The following ZNF112 variants were observed in gnomAD, a reference collection of about 807,000 sequenced individuals.
ZNF112 encodes the protein zinc finger protein 112.
In ZNF112, 37 loss-of-function variants were observed where a neutral mutation model predicts 77.7. That is an observed-to-expected ratio of 0.48 (90% CI 0.37 to 0.63). The LOEUF is 0.63. Ranked by LOEUF, ZNF112 falls within the 20% of genes least tolerant of loss-of-function variation. The pLI is 0.00. For missense variants in ZNF112, 950 were observed against 1,077.4 expected (o/e 0.88, Z 1.66); for synonymous variants, 333 against 363.6 (o/e 0.92, Z 0.96).
At chr19:44,342,470 A>G (rs1970507834) in intron 1 of ZNF112, among the ~76,000 whole-genome samples, 1 of 152,188 alleles carries the variant, frequency 6.6e-6, no homozygotes, top group African/African-American at 2.4e-5. Flanking sequence ...TGATACTGCA[A>G]TGTAAAACTG....
intron 1 of ZNF112, among the ~76,000 whole-genome samples, chr19:44,346,329 T>C (rs1230845392): frequency 1.3e-5 from 2 of 152,244 alleles, no homozygotes; most frequent in Admixed American, 1.3e-4. Context: ...TGTTATGTTA[T>C]GTGAGTTCAA....
chr19:44,340,305 G>T (rs1448419965), intron 2 of ZNF112, 111 bp downstream of exon 2: 20 of 1,440,328 alleles, frequency 1.4e-5, no homozygotes, highest in Middle Eastern at 2.5e-4. Flanking sequence ...TAGGACTCTC[G>T]GGCACCTAAT....
At chr19:44,350,438 A>C (rs1050529977) in intron 1 of ZNF112, among the ~76,000 whole-genome samples, 5 of 152,008 alleles carry the variant, frequency 3.3e-5, no homozygotes, top group Non-Finnish European at 7.4e-5. Flanking sequence ...TCTGAATAAG[A>C]ACTTCCCTCA....
At chr19:44,337,649 A>C (rs1211721561) in intron 2 of ZNF112, among the ~76,000 whole-genome samples, 1 of 150,482 alleles carries the variant, frequency 6.6e-6, no homozygotes, top group African/African-American at 2.4e-5. Flanking sequence ...TCAACGCATG[A>C]ATGTTCTTCA....
At chr19:44,329,997 G>A in intron 3 of ZNF112, 61 bp from the exon 4 acceptor site, 1 of 1,318,782 alleles carries the variant, frequency 7.6e-7, no homozygotes, top group Non-Finnish European at 1.0e-6. Flanking sequence ...GAGATTTGAA[G>A]ATTTTACACT....
At chr19:44,334,745 C>T (rs761389363) in intron 3 of ZNF112, among the ~76,000 whole-genome samples, 33 of 152,400 alleles carry the variant, frequency 2.2e-4, no homozygotes, top group Admixed American at 3.3e-4. Context: ...GCAGCTTCCA[C>T]GTACTGTTGG....
chr19:44,358,109 A>G (rs972509699), upstream of ZNF112, among the ~76,000 whole-genome samples: 3 of 144,072 alleles, frequency 2.1e-5, no homozygotes, highest in Non-Finnish European at 4.5e-5. Context: ...CCGAGATCGC[A>G]CCACTGCACT....
At chr19:44,339,606 C>G (rs1397271359) in intron 2 of ZNF112, among the ~76,000 whole-genome samples, 2 of 152,210 alleles carry the variant, frequency 1.3e-5, no homozygotes, top group African/African-American at 4.8e-5. Flanking sequence ...TGGAACGCTC[C>G]TGGACTCTGC....
chr19:44,345,869 G>T (rs1388124627), intron 1 of ZNF112, among the ~76,000 whole-genome samples: 1 of 152,198 alleles, frequency 6.6e-6, no homozygotes, highest in South Asian at 2.1e-4. Context: ...TTAGAGCAGG[G>T]GTTGGAAAGC....
upstream of ZNF112, among the ~76,000 whole-genome samples, chr19:44,360,180 T>C (rs186003889): frequency 4.1e-3 from 618 of 149,696 alleles, 2 homozygotes; most frequent in African/African-American, 0.014. Context: ...CGCTTGAACC[T>C]GGGAGATGGA....
At chr19:44,335,860 G>A (rs184049956) in intron 3 of ZNF112, among the ~76,000 whole-genome samples, 198 of 152,260 alleles carry the variant, frequency 1.3e-3, no homozygotes, top group Non-Finnish European at 2.0e-3. Context: ...CAGTTGCGAC[G>A]GTGGCTTTTG....
At chr19:44,331,110 C>T (rs1242323354) in intron 3 of ZNF112, among the ~76,000 whole-genome samples, 1 of 152,190 alleles carries the variant, frequency 6.6e-6, no homozygotes, top group Non-Finnish European at 1.5e-5. Flanking sequence ...GAATAATAAG[C>T]TCTTCTAAGT....
At chr19:44,338,494 T>C (rs1053674651) in intron 2 of ZNF112, among the ~76,000 whole-genome samples, 3 of 152,186 alleles carry the variant, frequency 2.0e-5, no homozygotes, top group African/African-American at 7.2e-5. Flanking sequence ...GAGGGACAGA[T>C]GACTTCACGT....
chr19:44,356,580 A>T (rs1474193198), intron 1 of ZNF112, 46 bp downstream of exon 1: 1 of 152,226 alleles, frequency 6.6e-6, no homozygotes, highest in Non-Finnish European at 1.5e-5. Context: ...CAAAACGAAC[A>T]TCAGTATGGA....
At position 44,334,069 on chromosome 19, in the gene ZNF112, G is replaced by A. The variant is rs144456527; in HGVS notation, c.220+2554C>T. Among the ~76,000 whole-genome samples the A allele has an allele frequency of 1.8e-4, 28 of 152,316 alleles. No homozygotes were observed. In the East Asian group the frequency reaches 5.0e-3, roughly 27 times the overall value. Reference sequence around the variant, plus strand: ...GGCTGAGGTGGTCTCAGATGGAGATGAGGAAGTTATTGGGGACTGGAACTG... The same window carrying A: ...GGCTGAGGTGGTCTCAGATGGAGATAAGGAAGTTATTGGGGACTGGAACTG... On this transcript the variant is annotated intron_variant, in intron 3 of 3. Coordinates refer to ENST00000354340, the MANE Select transcript of ZNF112 (RefSeq NM_013380.4).
chr19:44,336,453 A>G (rs1434203141), intron 3 of ZNF112, among the ~76,000 whole-genome samples, 170 bp downstream of exon 3: 3 of 152,210 alleles, frequency 2.0e-5, no homozygotes, highest in Non-Finnish European at 4.4e-5. Context: ...AAGTGAGAAG[A>G]GGTTGAGGGG....
At chr19:44,354,089 T>G (rs1970740698) in intron 1 of ZNF112, among the ~76,000 whole-genome samples, 1 of 152,144 alleles carries the variant, frequency 6.6e-6, no homozygotes, top group South Asian at 2.1e-4. Flanking sequence ...AAGAGCAATT[T>G]GCTGAGTAAA....
At chr19:44,352,588 CTG>C (rs1362214706) in intron 1 of ZNF112, among the ~76,000 whole-genome samples, 2 of 151,998 alleles carry the variant, frequency 1.3e-5, no homozygotes, top group African/African-American at 2.4e-5. Flanking sequence ...ACATGTGTCT[CTG>C]TGGAAAATCC....
At chr19:44,353,899 CA>C (rs56379666) in intron 1 of ZNF112, among the ~76,000 whole-genome samples, 110,820 of 151,634 alleles carry the variant, frequency 0.73, 40,586 homozygotes, top group Admixed American at 0.79. Flanking sequence ...GAAATAAGCA[CA>C]AAAAAAACTG....
Sources: allele counts gnomAD v4.1 joint callset (sites outside exome capture counted in the v4.1 genomes callset), GRCh38; gene constraint gnomAD v4.1.1; transcripts MANE v1.5; gene names NCBI Gene and HGNC (gene_info 2026-07-23, HGNC 2026-07-21).